STK3: variants seen among roughly 807,000 people sequenced by gnomAD.
STK3 encodes the protein serine/threonine kinase 3.
STK3 carries 41 observed loss-of-function variants against 58.0 expected under a neutral mutation model. That is an observed-to-expected ratio of 0.71 (90% CI 0.55 to 0.92). The LOEUF (loss-of-function observed/expected upper bound fraction) is 0.92, where lower values mean the gene tolerates loss of function less well. Among genes scored for constraint, STK3 ranks in the 40% least tolerant of loss-of-function variants. The probability of loss-of-function intolerance (pLI) is 0.00; values close to 1 mark genes in which losing one functional copy is unlikely to be tolerated. For missense variants in STK3, 479 were observed against 602.7 expected, an observed-to-expected ratio of 0.79 and a Z score of 2.15; for synonymous variants, 170 against 191.0, an observed-to-expected ratio of 0.89 and a Z score of 0.91.
chr8:98,556,735 C>T (rs542972323), intron 8 of STK3, among the ~76,000 whole-genome samples: 2 of 152,120 alleles, frequency 1.3e-5, no homozygotes, highest in South Asian at 4.1e-4. Flanking sequence ...AGACTAGAAT[C>T]AGACGGTTAT....
At chr8:98,894,329 A>G (rs1053948603) in intron 1 of STK3, among the ~76,000 whole-genome samples, 6 of 152,216 alleles carry the variant, frequency 3.9e-5, no homozygotes, top group African/African-American at 1.4e-4. Flanking sequence ...CTACCTTGTT[A>G]TCTTACCTTC....
intron 4 of STK3, among the ~76,000 whole-genome samples, chr8:98,711,466 C>A (rs1166654474): frequency 6.6e-6 from 1 of 152,156 alleles, no homozygotes; most frequent in Non-Finnish European, 1.5e-5. Flanking sequence ...AAAACCAAGG[C>A]ACGAGAACTA....
chr8:98,430,879 G>A (rs927952057), intron 3 of STK3: 25 of 167,070 alleles, frequency 1.5e-4, no homozygotes, highest in African/African-American at 4.8e-4. Flanking sequence ...GAAGGGAGAC[G>A]ACTGTTTCCT....
chr8:98,413,648 C>A (rs879201367), intron 3 of STK3: 4 of 783,486 alleles, frequency 5.1e-6, no homozygotes, highest in East Asian at 2.7e-5. Flanking sequence ...CCTCACAAAC[C>A]GTAGAAAAGC....
chr8:98,819,981 G>A (rs1487980485), intron 1 of STK3, among the ~76,000 whole-genome samples: 5 of 151,976 alleles, frequency 3.3e-5, no homozygotes, highest in African/African-American at 4.8e-5. Context: ...CCTGAGATCC[G>A]GGCTACAGAT....
chr8:98,909,255 T>C (rs1031286394), intron 1 of STK3, among the ~76,000 whole-genome samples: 2 of 152,260 alleles, frequency 1.3e-5, no homozygotes, highest in African/African-American at 4.8e-5. Flanking sequence ...GGAATTTTTA[T>C]TATAAGCTAC....
At chr8:98,899,756 T>C (rs917628429) in intron 1 of STK3, among the ~76,000 whole-genome samples, 13 of 152,132 alleles carry the variant, frequency 8.5e-5, no homozygotes, top group African/African-American at 2.9e-4. Flanking sequence ...GTAAAAATTA[T>C]TGGGTCTCTG....
the STK3 span, among the ~76,000 whole-genome samples, chr8:98,357,149 G>A: frequency 6.6e-6 from 1 of 152,146 alleles, no homozygotes; most frequent in Non-Finnish European, 1.5e-5. Flanking sequence ...TAATTTTCAA[G>A]TCCAGTGGGT....
intron 7 of STK3, among the ~76,000 whole-genome samples, chr8:98,584,808 G>A (rs1317944558): frequency 1.3e-5 from 2 of 148,900 alleles, no homozygotes; most frequent in Non-Finnish European, 3.0e-5. Context: ...GTGTGAGATG[G>A]TATCTCATTG....
At chr8:98,925,122 G>C (rs1349872726) in intron 1 of STK3, among the ~76,000 whole-genome samples, 1 of 152,138 alleles carries the variant, frequency 6.6e-6, no homozygotes, top group African/African-American at 2.4e-5. Flanking sequence ...AGACAGAGTG[G>C]GTGCTTTGGG....
At chr8:98,747,448 G>A (rs1471291480) in intron 4 of STK3, among the ~76,000 whole-genome samples, 1 of 152,138 alleles carries the variant, frequency 6.6e-6, no homozygotes, top group East Asian at 1.9e-4. Flanking sequence ...AAAGACGACT[G>A]TTAGACTCGT....
intron 6 of STK3, among the ~76,000 whole-genome samples, chr8:98,617,855 T>A (rs1587036783): frequency 1.3e-5 from 2 of 152,084 alleles, no homozygotes; most frequent in Non-Finnish European, 1.5e-5. Context: ...CAGGACCAGA[T>A]GGATTCACAG....
At chr8:98,743,934 A>G (rs1277836869) in intron 4 of STK3, among the ~76,000 whole-genome samples, 2 of 152,202 alleles carry the variant, frequency 1.3e-5, no homozygotes, top group African/African-American at 4.8e-5. Context: ...ATGAACAGAC[A>G]CTTCTCAAAA....
intron 6 of STK3, among the ~76,000 whole-genome samples, chr8:98,698,845 G>T (rs1327733363): frequency 6.6e-6 from 1 of 151,894 alleles, no homozygotes; most frequent in Non-Finnish European, 1.5e-5. Context: ...ATGTGTCTTG[G>T]AGTTGCTCTT....
At chr8:98,616,417 A>C (rs1184037321) in intron 6 of STK3, among the ~76,000 whole-genome samples, 13 of 148,500 alleles carry the variant, frequency 8.8e-5, no homozygotes, top group East Asian at 4.0e-4. Context: ...CGAGCAAAAT[A>C]ACCAGCTAAC....
intron 3 of STK3, among the ~76,000 whole-genome samples, chr8:98,396,212 C>T (rs1224263390): frequency 6.6e-6 from 1 of 152,196 alleles, no homozygotes; most frequent in Non-Finnish European, 1.5e-5. Flanking sequence ...GGTAAGCTTT[C>T]AAAAACATCC....
At chr8:98,385,017 G>T (rs1246289273) in intron 1 of STK3, among the ~76,000 whole-genome samples, 1 of 152,100 alleles carries the variant, frequency 6.6e-6, no homozygotes, top group Non-Finnish European at 1.5e-5. Context: ...TCCATCCATT[G>T]CTTCAAGGGA....
intron 1 of STK3, among the ~76,000 whole-genome samples, chr8:98,936,297 G>T (rs72668461): frequency 0.06 from 9,082 of 152,054 alleles, 371 homozygotes; most frequent in South Asian, 0.1. Flanking sequence ...AACATGACTT[G>T]CCCAACATAA....
chr8:98,837,301 T>C (rs1480692018), intron 3 of STK3, among the ~76,000 whole-genome samples: 1 of 146,922 alleles, frequency 6.8e-6, no homozygotes, highest in Non-Finnish European at 1.5e-5. Flanking sequence ...TAATAAACTA[T>C]CAGTAAGTTC....
Sources: allele counts gnomAD v4.1 joint callset (sites outside exome capture counted in the v4.1 genomes callset), GRCh38; gene constraint gnomAD v4.1.1; transcripts MANE v1.5; gene names NCBI Gene and HGNC (gene_info 2026-07-23, HGNC 2026-07-21).